Variants in DLST observed in about 807,000 individuals in gnomAD.
DLST encodes dihydrolipoamide S-succinyltransferase.
A neutral mutation model predicts 53.1 loss-of-function variants in DLST; 17 were observed. That is an observed-to-expected ratio of 0.32 (90% CI 0.22 to 0.48). The LOEUF (loss-of-function observed/expected upper bound fraction) is 0.48. Ranked by LOEUF, DLST falls within the 20% of genes least tolerant of loss-of-function variation. The pLI, the probability that DLST is intolerant of heterozygous loss-of-function variation, is 0.99. For missense variants in DLST, 512 were observed against 583.9 expected (o/e 0.88, Z 1.27); for synonymous variants, 206 against 204.8 (o/e 1.01, Z -0.05).
intron 2 of DLST, 29 bp downstream of exon 2, chr14:74,882,653 A>G (rs1170305968): frequency 2.5e-6 from 4 of 1,611,578 alleles, no homozygotes; most frequent in African/African-American, 2.7e-5. Flanking sequence ...GTCACCTAAA[A>G]TGCTCTCCTC....
chr14:74,892,804 C>G (rs371816098), intron 7 of DLST, 30 bp from the exon 8 acceptor site: 1 of 1,576,876 alleles, frequency 6.3e-7, no homozygotes, highest in Admixed American at 1.9e-5. Flanking sequence ...TCAGACAGTG[C>G]CAGTGGCATA....
chr14:74,900,828 G>A lies in DLST; in HGVS notation c.1060-238G>A, dbSNP rs569922831. Among the ~76,000 whole-genome samples the A allele has an allele frequency of 3.7e-4, 57 of 152,228 alleles. 1 individual carries two copies. The highest frequency in any genetic ancestry group is 6.9e-4 in the Non-Finnish European group (47 of 68,008). Reference sequence around the variant, plus strand: ...CAGCCTTGCACTCCTGGGCTCAAGCGATTCTCCTGCCTCAGCCTCCCAAGT... The same window carrying A: ...CAGCCTTGCACTCCTGGGCTCAAGCAATTCTCCTGCCTCAGCCTCCCAAGT... On this transcript the variant is annotated intron_variant, in intron 13 of 14. Transcript: ENST00000334220.
intron 11 of DLST, 135 bp downstream of exon 11, chr14:74,898,634 G>C: frequency 8.8e-7 from 1 of 1,132,770 alleles, no homozygotes; most frequent in Non-Finnish European, 1.2e-6. Flanking sequence ...ATCTTCCCCA[G>C]GGATTTCTTG....
At chr14:74,894,721 ATT>A (rs544880701) in intron 10 of DLST, among the ~76,000 whole-genome samples, 1 of 151,128 alleles carries the variant, frequency 6.6e-6, no homozygotes, top group African/African-American at 2.4e-5. Context: ...AATTTTTTGT[ATT>A]TTTTTAGTGG....
chr14:74,882,600 C>T lies in DLST; in HGVS notation c.73C>T (p.Pro25Ser). The change falls in exon 2 of 15, where the codon CCT (proline) becomes TCT (serine). Residue 25 changes from proline to serine, a missense_variant. Coordinates refer to ENST00000334220, the MANE Select transcript of DLST (RefSeq NM_001933.5). Reference protein sequence around the residue: ...SLSAFQKGNCPLGRRSLPGVS... With the variant: ...SLSAFQKGNCSLGRRSLPGVS... ...TCTTCTTTCTCAACAGGGGAACTGC[C>T]CTCTAGGGAGACGTTCCCTGCCTGG... 6.2e-7 allele frequency: 1 copy of T among 1,613,908 alleles called. No homozygotes were observed. Among genetic ancestry groups the T allele is most frequent in the Non-Finnish European group, 8.5e-7 (1 of 1,179,970 alleles).
At position 74,903,229 on chromosome 14, in the gene DLST, C is replaced by T. The variant is rs1884330874; in HGVS notation, c.*899C>T. ...CTGGTAGAGACTAGGGAAGGGAGGT[C>T]TCCTCTAGACTGACTCACATTGCCT... On this transcript the variant is annotated 3_prime_UTR_variant, in exon 15 of 15. Transcript: ENST00000334220. 6.5e-6 allele frequency: 1 copy of T among 152,694 alleles called. No individual in the cohort carries two copies. Among genetic ancestry groups the T allele is most frequent in the Non-Finnish European group, 1.5e-5 (1 of 68,076 alleles). The allele number at this position is 152,694 out of a possible 1,614,324, so 9.5% of individuals were successfully genotyped here. A position where few individuals can be genotyped will look rare whatever the true frequency, so the allele number is the denominator to read the frequency against.
In DLST at chr14:74,898,748, A is replaced by G. The variant is rs556311215; in HGVS notation, c.901+249A>G. ...CTCGGCAGCTGCTCAGGCAGCAGGC[A>G]GTTCTGGGATAGCCCAGCTCTCCAG... On this transcript the variant is annotated intron_variant, in intron 11 of 14. Transcript: ENST00000334220. Among the ~76,000 whole-genome samples the G allele has an allele frequency of 2.0e-5, 3 of 152,338 alleles. No individual in the cohort carries two copies. In the East Asian group the frequency reaches 5.8e-4, roughly 29 times the overall value.
chr14:74,894,236 G>A, intron 9 of DLST, 76 bp from the exon 10 acceptor site: 1 of 1,569,752 alleles, frequency 6.4e-7, no homozygotes, highest in Admixed American at 1.8e-5. Flanking sequence ...GGCAAGCCGT[G>A]TTCTTTCTGA....
intron 1 of DLST, 110 bp downstream of exon 1, chr14:74,882,126 C>A: frequency 9.6e-7 from 1 of 1,043,614 alleles, no homozygotes; most frequent in Non-Finnish European, 1.2e-6. Context: ...GCACCAAGGG[C>A]ACTGGGACGC....
intron 3 of DLST, among the ~76,000 whole-genome samples, chr14:74,888,612 T>TGG (rs1357909274): frequency 6.6e-6 from 1 of 152,092 alleles, no homozygotes; most frequent in Non-Finnish European, 1.5e-5. Flanking sequence ...GAGGCAGAGG[T>TGG]GGGAGGATCC....
intron 5 of DLST, 191 bp from the exon 6 acceptor site, chr14:74,889,706 G>A (rs1157125979): frequency 3.4e-6 from 2 of 591,906 alleles, no homozygotes; most frequent in African/African-American, 3.8e-5. Flanking sequence ...TTAAGTTTAA[G>A]TGCTATCTAA....
intron 2 of DLST, among the ~76,000 whole-genome samples, 155 bp downstream of exon 2, chr14:74,882,779 T>C (rs916756212): frequency 2.0e-5 from 3 of 152,212 alleles, no homozygotes; most frequent in Non-Finnish European, 4.4e-5. Flanking sequence ...AGCTATCGCT[T>C]ATTCATTTAG....
At position 74,885,621 on chromosome 14, in the gene DLST, A is replaced by G; in HGVS notation, c.133A>G (p.Ser45Gly). 6.2e-7 allele frequency: 1 copy of G among 1,613,672 alleles called. No homozygotes were observed. The highest frequency in any genetic ancestry group is 8.5e-7 in the Non-Finnish European group (1 of 1,179,756). ...ATGCCAGGGACCAGGTTACCCTAAC[A>G]GCAGGAAGGTTGTGTAAGTATCACT... is the stretch of plus-strand genomic sequence containing the variant. ...SLCQGPGYPN[S>G]RKVVINNSVF... Residue 45 changes from serine to glycine, a missense_variant, in exon 3 of 15, where the codon AGC (serine) becomes GGC (glycine). Physicochemically the swap from Ser to Gly is moderately conservative, Grantham distance 56. Coordinates refer to ENST00000334220, the MANE Select transcript of DLST (RefSeq NM_001933.5).
intron 10 of DLST, among the ~76,000 whole-genome samples, chr14:74,894,783 G>A (rs185367442): frequency 5.9e-5 from 9 of 152,084 alleles, no homozygotes; most frequent in African/African-American, 2.2e-4. Context: ...TCCTGACCTC[G>A]TGATCTGCCC....
At chr14:74,887,422 A>G (rs886995020) in intron 3 of DLST, among the ~76,000 whole-genome samples, 4 of 152,234 alleles carry the variant, frequency 2.6e-5, no homozygotes, top group Non-Finnish European at 5.9e-5. Flanking sequence ...AAAGTAAATA[A>G]TGAAGAAAAA....
rs762818942 is a variant in DLST, at chr14:74,889,968, A to G, written c.330+16A>G. 1.9e-6 allele frequency: 3 copies of G among 1,611,964 alleles called. No individual in the cohort carries two copies. The highest frequency in any genetic ancestry group is 2.5e-6 in the Non-Finnish European group (3 of 1,178,826). On this transcript the variant is annotated intron_variant, in intron 6 of 14. Coordinates refer to ENST00000334220, the MANE Select transcript of DLST (RefSeq NM_001933.5). ...AACTGACAAGGTAGGCTTATCTTAT[A>G]TTCGTACCAGCTTTTCATGGGCTTC...
At chr14:74,891,384 C>A in intron 7 of DLST, 5 of 1,260,344 alleles carry the variant, frequency 4.0e-6, no homozygotes, top group Non-Finnish European at 4.0e-6. Flanking sequence ...ATACTCTGTT[C>A]TTTCCATGGG....
intron 12 of DLST, 76 bp from the exon 13 acceptor site, chr14:74,900,213 G>A (rs1884198447): frequency 1.6e-5 from 22 of 1,377,706 alleles, no homozygotes; most frequent in Non-Finnish European, 2.2e-5. Context: ...GCATACCATG[G>A]GTTGAATCAA....
rs545506799 is a variant in DLST, at chr14:74,883,503, G to GTGTTTAGATTTTATCCTAGC, written c.97+879_97+880insTGTTTAGATTTTATCCTAGC. Among the ~76,000 whole-genome samples, 78 of 151,598 alleles carry GTGTTTAGATTTTATCCTAGC rather than the reference G, an allele frequency of 5.1e-4. 3 individuals are homozygous for GTGTTTAGATTTTATCCTAGC. In the South Asian group the frequency reaches 0.016, roughly 30 times the overall value. ...ATAGAAGATGGTATAGAGACTGAAG[G>GTGTTTAGATTTTATCCTAGC]AGTTTAGATTTTATCCTAGCAGTTA... On this transcript the variant is annotated intron_variant, in intron 2 of 14. Transcript: ENST00000334220.
Sources: gnomAD v4.1 joint callset for allele counts (sites outside exome capture counted in the v4.1 genomes callset) on GRCh38, gnomAD v4.1.1 for gene constraint, MANE v1.5 for transcripts, NCBI Gene and HGNC (gene_info 2026-07-23, HGNC 2026-07-21) for gene names.